The following CFDP1 variants were observed in gnomAD, a reference collection of about 807,000 sequenced individuals.
CFDP1 encodes the protein heterochromatin-stabilizing protein CFDP1.
In CFDP1, 31 loss-of-function variants were observed where a neutral mutation model predicts 40.1. The ratio of observed to expected loss-of-function variants is 0.77; its 90% CI spans 0.58 to 1.04. The LOEUF (loss-of-function observed/expected upper bound fraction) is 1.04, where lower values mean the gene tolerates loss of function less well. Ranked by LOEUF, CFDP1 falls within the 50% of genes least tolerant of loss-of-function variation. The pLI, the probability that CFDP1 is intolerant of heterozygous loss-of-function variation, is 0.00. For synonymous variants in CFDP1, 167 were observed against 120.0 expected (o/e 1.39, Z -2.56); for missense variants, 423 against 343.4 (o/e 1.23, Z -1.83).
intron 5 of CFDP1, among the ~76,000 whole-genome samples, chr16:75,326,036 A>G (rs2078398607): frequency 6.6e-6 from 1 of 152,236 alleles, no homozygotes; most frequent in South Asian, 2.1e-4. Context: ...CAAATAAGGG[A>G]CAGAATTAAG....
chr16:75,313,943 G>C (rs1237108806), intron 5 of CFDP1, among the ~76,000 whole-genome samples: 1 of 152,012 alleles, frequency 6.6e-6, no homozygotes, highest in East Asian at 1.9e-4. Context: ...ACAGTGCAGT[G>C]GTGCAATCTT....
At chr16:75,414,984 A>G (rs2079191978) in intron 1 of CFDP1, among the ~76,000 whole-genome samples, 1 of 152,220 alleles carries the variant, frequency 6.6e-6, no homozygotes, top group Non-Finnish European at 1.5e-5. Context: ...GTATACTCCA[A>G]GAGGACATAA....
intron 1 of CFDP1, among the ~76,000 whole-genome samples, chr16:75,429,982 G>A (rs2079390865): frequency 6.6e-6 from 1 of 152,146 alleles, no homozygotes; most frequent in Non-Finnish European, 1.5e-5. Flanking sequence ...GGAGGCATGA[G>A]ACATCAATCA....
chr16:75,423,724 C>T (rs1221318985), intron 1 of CFDP1, among the ~76,000 whole-genome samples: 5 of 152,166 alleles, frequency 3.3e-5, no homozygotes, highest in Non-Finnish European at 7.3e-5. Context: ...CCACGTTAGC[C>T]AGGATGGTCT....
chr16:75,400,338 T>C (rs2079040401), intron 4 of CFDP1, among the ~76,000 whole-genome samples: 1 of 152,172 alleles, frequency 6.6e-6, no homozygotes, highest in Non-Finnish European at 1.5e-5. Flanking sequence ...AAGTAATAAC[T>C]GGCTTTGGTT....
chr16:75,393,737 CAAAA>C (rs61344775), intron 5 of CFDP1, among the ~76,000 whole-genome samples: 8 of 80,612 alleles, frequency 9.9e-5, no homozygotes, highest in African/African-American at 4.7e-4. Flanking sequence ...GACTCCGTCG[CAAAA>C]AAAAAAAAAA....
intron 5 of CFDP1, among the ~76,000 whole-genome samples, chr16:75,333,361 G>C (rs1252750060): frequency 1.3e-5 from 2 of 151,854 alleles, no homozygotes; most frequent in South Asian, 2.1e-4. Flanking sequence ...CTCACCTCGT[G>C]ATCCGCCCGC....
intron 5 of CFDP1, among the ~76,000 whole-genome samples, chr16:75,314,573 C>T (rs1479613680): frequency 6.6e-6 from 1 of 152,030 alleles, no homozygotes; most frequent in African/African-American, 2.4e-5. Flanking sequence ...TGTAGTGATG[C>T]ACAATTCTGC....
chr16:75,343,875 A>G lies in CFDP1; in HGVS notation c.651-38693T>C, dbSNP rs368989369. ...ATCTGGTAGTTGAGTAGACGGGGCA[A>G]TACATAAGCATGCGACATTTTATGC... On this transcript the variant is annotated intron_variant, in intron 5 of 6. Transcript: ENST00000283882. Among the ~76,000 whole-genome samples the G allele has an allele frequency of 7.2e-5, 11 of 152,354 alleles. No individual in the cohort carries two copies. The South Asian group carries it at 2.3e-3, about 32-fold the overall frequency.
chr16:75,365,192 AG>A (rs2078705265), intron 5 of CFDP1, among the ~76,000 whole-genome samples: 1 of 152,228 alleles, frequency 6.6e-6, no homozygotes, highest in Admixed American at 6.6e-5. Flanking sequence ...TGATAACTGA[AG>A]TTGAATGGCA....
intron 6 of CFDP1, among the ~76,000 whole-genome samples, chr16:75,303,235 G>A (rs1412861993): frequency 1.3e-5 from 2 of 150,356 alleles, no homozygotes; most frequent in Admixed American, 6.6e-5. Context: ...GCGTGTAGGC[G>A]CGCGCCTGTA....
chr16:75,353,327 G>T (rs1207355258), intron 5 of CFDP1, among the ~76,000 whole-genome samples: 1 of 152,108 alleles, frequency 6.6e-6, no homozygotes, highest in Admixed American at 6.5e-5. Flanking sequence ...TGTTTAAAAA[G>T]AAGAGATACA....
intron 2 of CFDP1, among the ~76,000 whole-genome samples, chr16:75,413,662 T>C (rs1219009713): frequency 1.3e-5 from 2 of 152,126 alleles, no homozygotes; most frequent in Non-Finnish European, 2.9e-5. Flanking sequence ...CAATCTAATA[T>C]CTACATTCTT....
At position 75,319,402 on chromosome 16, in the gene CFDP1, T is replaced by C. The variant is rs147582813; in HGVS notation, c.651-14220A>G. Among the ~76,000 whole-genome samples, 220 of 152,268 alleles carry C rather than the reference T, an allele frequency of 1.4e-3. 2 individuals are homozygous for C. Among genetic ancestry groups the C allele is most frequent in the African/African-American group, 5.0e-3 (209 of 41,540 alleles). ...ATTCCAAATGAGGAGGAGATAGACA[T>C]TGGACACAGCTGTGATCCTTGACAC... On this transcript the variant is annotated intron_variant, in intron 5 of 6. Transcript: ENST00000283882.
intron 5 of CFDP1, among the ~76,000 whole-genome samples, chr16:75,319,445 G>A (rs1340846463): frequency 6.6e-6 from 1 of 152,176 alleles, no homozygotes; most frequent in Non-Finnish European, 1.5e-5. Flanking sequence ...TTACATCTGG[G>A]GTTGGGGGGG....
intron 2 of CFDP1, 40 bp from the exon 3 acceptor site, chr16:75,412,794 A>C: frequency 6.5e-7 from 1 of 1,531,770 alleles, no homozygotes; most frequent in Non-Finnish European, 9.0e-7. Flanking sequence ...AAGACAGCAC[A>C]AAACGATTTC....
intron 5 of CFDP1, among the ~76,000 whole-genome samples, chr16:75,328,370 A>G (rs1156389419): frequency 1.3e-5 from 2 of 148,494 alleles, no homozygotes; most frequent in Non-Finnish European, 3.0e-5. Flanking sequence ...GGATCACCTG[A>G]GGTCAGGAGT....
intron 4 of CFDP1, among the ~76,000 whole-genome samples, chr16:75,396,799 G>A (rs1448708130): frequency 6.6e-6 from 1 of 151,308 alleles, no homozygotes; most frequent in Admixed American, 6.6e-5. Flanking sequence ...TCCCTGCCCA[G>A]GCTTTCCAGG....
chr16:75,315,169 C>T (rs1055937990), intron 5 of CFDP1, among the ~76,000 whole-genome samples: 3 of 151,792 alleles, frequency 2.0e-5, no homozygotes, highest in Non-Finnish European at 4.4e-5. Context: ...GGCAAAACCC[C>T]GTCTCTACAA....
Sources: gnomAD v4.1 joint callset for allele counts (sites outside exome capture counted in the v4.1 genomes callset) on GRCh38, gnomAD v4.1.1 for gene constraint, MANE v1.5 for transcripts, NCBI Gene and HGNC (gene_info 2026-07-23, HGNC 2026-07-21) for gene names.